The following WWOX variants were observed in gnomAD, a reference collection of about 807,000 sequenced individuals.
WWOX encodes WW domain-containing oxidoreductase.
WWOX carries 69 observed loss-of-function variants against 46.2 expected under a neutral mutation model. The observed-to-expected ratio is 1.49, with a 90% CI of 1.23 to 1.82. WWOX has a LOEUF of 1.82. WWOX is among the 40% of genes most tolerant of loss of function. WWOX has a pLI of 0.00. For missense variants in WWOX, 919 were observed against 542.6 expected (o/e 1.69, Z -6.89); for synonymous variants, 359 against 202.6 (o/e 1.77, Z -6.56).
intron 8 of WWOX, among the ~76,000 whole-genome samples, chr16:79,119,691 C>G (rs2049588880): frequency 6.6e-6 from 1 of 152,188 alleles, no homozygotes. Flanking sequence ...GGACAGTATG[C>G]TTTTCACCTC....
chr16:78,691,277 A>T, intron 8 of WWOX: 1 of 702,182 alleles, frequency 1.4e-6, no homozygotes, highest in Non-Finnish European at 2.6e-6. Flanking sequence ...GTCACTTCTG[A>T]TTGTCAGTGA....
intron 5 of WWOX, among the ~76,000 whole-genome samples, chr16:78,340,029 GGAC>G (rs1395199537): frequency 0.05 from 1,733 of 34,694 alleles, 394 homozygotes; most frequent in Non-Finnish European, 0.085. Context: ...GGGGGGGGGG[GGAC>G]GTTTCTATTT....
At chr16:78,730,224 G>A (rs751743699) in intron 8 of WWOX, among the ~76,000 whole-genome samples, 9 of 152,026 alleles carry the variant, frequency 5.9e-5, no homozygotes, top group African/African-American at 1.2e-4. Context: ...CCCAAAAAGC[G>A]TCTCTGTCAG....
At chr16:78,752,795 C>G (rs1021290270) in intron 8 of WWOX, among the ~76,000 whole-genome samples, 2 of 152,190 alleles carry the variant, frequency 1.3e-5, no homozygotes, top group Non-Finnish European at 2.9e-5. Flanking sequence ...TAAATTTAAT[C>G]ACATAATTAC....
At chr16:78,735,394 A>ACACACACACACACAC (rs2049064573) in intron 8 of WWOX, among the ~76,000 whole-genome samples, 5 of 121,274 alleles carry the variant, frequency 4.1e-5, no homozygotes, top group African/African-American at 1.6e-4. Flanking sequence ...ACCACACACA[A>ACACACACACACACAC]ACACACACAC....
At chr16:78,430,632 C>G (rs2083195047) in intron 7 of WWOX, among the ~76,000 whole-genome samples, 1 of 152,106 alleles carries the variant, frequency 6.6e-6, no homozygotes, top group Non-Finnish European at 1.5e-5. Flanking sequence ...GTTCCATTGC[C>G]TTAGACAATT....
intron 8 of WWOX, among the ~76,000 whole-genome samples, chr16:78,863,890 A>T (rs12930335): frequency 6.6e-6 from 1 of 151,958 alleles, no homozygotes; most frequent in African/African-American, 2.4e-5. Flanking sequence ...TCCACTTAGC[A>T]TCGTGTTTTT....
chr16:79,028,641 G>GA (rs781403006), intron 8 of WWOX, among the ~76,000 whole-genome samples: 1 of 151,412 alleles, frequency 6.6e-6, no homozygotes, highest in East Asian at 1.9e-4. Flanking sequence ...GTTTTGGGGG[G>GA]AAAAAACGCT....
At chr16:78,648,265 T>A (rs2046888800) in intron 8 of WWOX, among the ~76,000 whole-genome samples, 1 of 152,112 alleles carries the variant, frequency 6.6e-6, no homozygotes, top group Non-Finnish European at 1.5e-5. Flanking sequence ...GAGGGGCTGG[T>A]TTTTAGATAG....
intron 5 of WWOX, among the ~76,000 whole-genome samples, chr16:78,186,109 C>T (rs946043653): frequency 4.6e-5 from 7 of 152,246 alleles, no homozygotes; most frequent in African/African-American, 1.7e-4. Context: ...AATAACATGA[C>T]TCCCAGGTTT....
At chr16:78,957,943 C>T (rs1271034812) in intron 8 of WWOX, among the ~76,000 whole-genome samples, 1 of 152,206 alleles carries the variant, frequency 6.6e-6, no homozygotes, top group Non-Finnish European at 1.5e-5. Flanking sequence ...GTCACCACAT[C>T]AGCACATTTG....
chr16:78,682,283 A>C (rs188282180), intron 8 of WWOX, among the ~76,000 whole-genome samples: 22 of 152,302 alleles, frequency 1.4e-4, no homozygotes, highest in African/African-American at 5.3e-4. Flanking sequence ...AGTAAACTTA[A>C]TAGTTTAAAA....
rs142284658 is a variant in WWOX, at chr16:78,509,360, A to G, written c.1056+76608A>G. On this transcript the variant is annotated intron_variant, in intron 8 of 8. Coordinates refer to ENST00000566780, the MANE Select transcript of WWOX (RefSeq NM_016373.4). ...GTAGCTGAGGCAGGAACTCGCTTGAACCCGGGAGGCGGAGGCTGCAGTGAG... is the reference window on the plus strand; with the variant it reads ...GTAGCTGAGGCAGGAACTCGCTTGAGCCCGGGAGGCGGAGGCTGCAGTGAG... 2.0e-5 allele frequency among the ~76,000 whole-genome samples: 3 copies of G among 151,424 alleles called. No individual in the cohort carries two copies. In the East Asian group the frequency reaches 5.8e-4, roughly 29 times the overall value.
chr16:78,553,643 A>G (rs889416629), intron 8 of WWOX, among the ~76,000 whole-genome samples: 1 of 152,098 alleles, frequency 6.6e-6, no homozygotes, highest in Non-Finnish European at 1.5e-5. Flanking sequence ...TAATAGAAGG[A>G]GGGATGCCTG....
chr16:78,916,179 C>T (rs1197708755), intron 8 of WWOX, among the ~76,000 whole-genome samples: 4 of 152,168 alleles, frequency 2.6e-5, no homozygotes, highest in African/African-American at 9.7e-5. Context: ...AAACACGCTG[C>T]ACAAGGAAGA....
At chr16:78,839,422 C>G (rs1411510012) in intron 8 of WWOX, among the ~76,000 whole-genome samples, 1 of 152,080 alleles carries the variant, frequency 6.6e-6, no homozygotes, top group Non-Finnish European at 1.5e-5. Context: ...TTGATTTTGA[C>G]AAAAGACAGC....
intron 5 of WWOX, among the ~76,000 whole-genome samples, chr16:78,277,286 T>G (rs1430427091): frequency 6.6e-6 from 1 of 152,204 alleles, no homozygotes; most frequent in East Asian, 1.9e-4. Context: ...TTCTGTAGAT[T>G]TTTGGCCAGG....
intron 8 of WWOX, among the ~76,000 whole-genome samples, chr16:78,467,912 G>C (rs942836113): frequency 3.9e-5 from 6 of 152,118 alleles, no homozygotes; most frequent in Non-Finnish European, 7.4e-5. Context: ...GATCAGCCTG[G>C]CTTCTTTTCC....
intron 8 of WWOX, among the ~76,000 whole-genome samples, chr16:78,772,814 T>A (rs2050096484): frequency 6.6e-6 from 1 of 152,042 alleles, no homozygotes; most frequent in Admixed American, 6.6e-5. Flanking sequence ...AGCTCAGAAG[T>A]TTGAGACCAG....
Sources: allele counts gnomAD v4.1 joint callset (sites outside exome capture counted in the v4.1 genomes callset), GRCh38; gene constraint gnomAD v4.1.1; transcripts MANE v1.5; gene names NCBI Gene and HGNC (gene_info 2026-07-23, HGNC 2026-07-21).